Variants in VPS35 observed in about 807,000 individuals in gnomAD.
VPS35 encodes the protein vacuolar protein sorting-associated protein 35.
Under a neutral mutation model 98.1 loss-of-function variants are expected in VPS35, and 21 were observed. The ratio of observed to expected loss-of-function variants is 0.21; its 90% CI spans 0.15 to 0.31. The LOEUF is 0.31. Among genes scored for constraint, VPS35 ranks in the 10% least tolerant of loss-of-function variants. The pLI, the probability that VPS35 is intolerant of heterozygous loss-of-function variation, is 1.00. For synonymous variants in VPS35, 268 were observed against 318.2 expected, an observed-to-expected ratio of 0.84 and a Z score of 1.68; for missense variants, 554 against 950.8, an observed-to-expected ratio of 0.58 and a Z score of 5.49.
chr16:46,662,055 C>T lies in VPS35; in HGVS notation c.2067+188G>A, dbSNP rs531712412. On this transcript the variant is annotated intron_variant, in intron 15 of 16. Transcript: ENST00000299138. ...AAAAACAGGTAGTGGTTTGAACTTGCTATGTTACAATATCCTCAAAGCAGA... is the reference window on the plus strand; with the variant it reads ...AAAAACAGGTAGTGGTTTGAACTTGTTATGTTACAATATCCTCAAAGCAGA... 3.3e-5 allele frequency among the ~76,000 whole-genome samples: 5 copies of T among 152,142 alleles called. No homozygotes were observed. The South Asian group carries it at 8.3e-4, about 25-fold the overall frequency.
rs1452971314 is a variant in VPS35, at chr16:46,662,464, C to T, written c.1846G>A (p.Asp616Asn). ...FMSQAFSLYE[D>N]EISDSKAQLA... is the part of the protein sequence containing the mutation. ...TGTGCTTTGGAATCGCTGATTTCAT[C>T]TTCATACAGAGAAAATGCCTAGTGA... Residue 616 changes from aspartate (D) to asparagine (N), a missense_variant, in exon 15 of 17, where the codon GAT becomes AAT. Asp to Asn is a conservative substitution (Grantham distance 23, BLOSUM62 1). Coordinates refer to ENST00000299138, the MANE Select transcript of VPS35 (RefSeq NM_018206.6). 1 of 1,614,098 alleles carries T rather than the reference C, an allele frequency of 6.2e-7. No individual in the cohort carries two copies. Among genetic ancestry groups the T allele is most frequent in the Non-Finnish European group, 8.5e-7 (1 of 1,180,028 alleles).
intron 2 of VPS35, 122 bp from the exon 3 acceptor site, chr16:46,682,297 G>A (rs1966247254): frequency 2.6e-6 from 2 of 781,126 alleles, no homozygotes; most frequent in East Asian, 2.7e-5. Flanking sequence ...GCACTTAAAT[G>A]ATTTTAACCA....
intron 1 of VPS35, among the ~76,000 whole-genome samples, chr16:46,684,975 C>T (rs185671312): frequency 1.3e-5 from 2 of 152,208 alleles, no homozygotes; most frequent in Non-Finnish European, 2.9e-5. Flanking sequence ...ATGAAATATT[C>T]TGTATAGGAA....
At position 46,669,134 on chromosome 16, in the gene VPS35, T is replaced by C. The variant is rs775914638; in HGVS notation, c.1525-82A>G. 7 of 1,545,640 alleles carry C rather than the reference T, an allele frequency of 4.5e-6. No individual in the cohort carries two copies. The Admixed American group carries it at 5.0e-5, about 11-fold the overall frequency. ...AAATAAATGTGGGCTCTAATCATCA[T>C]TGCTAACATTTTGTGAATATATACA... is the stretch of plus-strand genomic sequence containing the variant. On this transcript the variant is annotated intron_variant, in intron 12 of 16. Transcript: ENST00000299138.
rs745617168 is a variant in VPS35, at chr16:46,668,890, A to C, written c.1647+40T>G. Reference sequence around the variant, plus strand: ...ACACACACACACTCAGAGTGATGAAAGAGGAAAAAAAGTACCTAAATACTT... The same window carrying C: ...ACACACACACACTCAGAGTGATGAACGAGGAAAAAAAGTACCTAAATACTT... On this transcript the variant is annotated intron_variant, in intron 13 of 16. Transcript: ENST00000299138. 1.5e-5 allele frequency: 24 copies of C among 1,612,472 alleles called. No homozygotes were observed. In the East Asian group the frequency reaches 4.7e-4, roughly 31 times the overall value.
intron 12 of VPS35, among the ~76,000 whole-genome samples, chr16:46,670,221 A>AAG: frequency 6.6e-6 from 1 of 152,382 alleles, no homozygotes; most frequent in East Asian, 1.9e-4. Flanking sequence ...AGGGGCAGTC[A>AAG]GAGCTAATGA....
intron 13 of VPS35, 102 bp downstream of exon 13, chr16:46,668,827 AT>A: frequency 6.6e-7 from 1 of 1,513,566 alleles, no homozygotes; most frequent in Non-Finnish European, 9.0e-7. Flanking sequence ...ACCACTGTCT[AT>A]TTTTGTACGT....
rs938746274 is a variant in VPS35 at position 46,681,299 on chromosome 16, T to C, written c.323+78A>G. The C allele has an allele frequency of 4.4e-6, 7 of 1,596,048 alleles. No individual in the cohort carries two copies. In the Admixed American group the frequency reaches 1.2e-4, roughly 27 times the overall value. On this transcript the variant is annotated intron_variant, in intron 4 of 16. Coordinates refer to ENST00000299138, the MANE Select transcript of VPS35 (RefSeq NM_018206.6). ...AAGAAGTTACCCTTAAAACTTTTTC[T>C]TAAGCTGATAATCATAAAAGACGTA...
intron 11 of VPS35, 50 bp downstream of exon 11, chr16:46,672,215 C>T: frequency 6.4e-7 from 1 of 1,557,382 alleles, no homozygotes; most frequent in African/African-American, 1.4e-5. Context: ...GGTCCAAAGT[C>T]TAAAATTGTA....
intron 5 of VPS35, among the ~76,000 whole-genome samples, chr16:46,680,321 C>G (rs1966215422): frequency 6.6e-6 from 1 of 152,176 alleles, no homozygotes; most frequent in South Asian, 2.1e-4. Flanking sequence ...ATTATGAAAT[C>G]CAGCTGGCTC....
intron 5 of VPS35, among the ~76,000 whole-genome samples, chr16:46,679,585 G>A (rs1346081246): frequency 6.6e-6 from 1 of 152,046 alleles, no homozygotes; most frequent in Non-Finnish European, 1.5e-5. Context: ...AAAAACAAAA[G>A]GCTAAAAAAT....
At chr16:46,680,944 C>A (rs1362634441) in intron 4 of VPS35, 91 bp from the exon 5 acceptor site, 17 of 1,342,528 alleles carry the variant, frequency 1.3e-5, no homozygotes, top group Non-Finnish European at 1.7e-5. Context: ...ATTAAATAAA[C>A]AAGACAGGAA....
chr16:46,680,480 G>A lies in VPS35; in HGVS notation c.506+191C>T, dbSNP rs2143008656. On this transcript the variant is annotated intron_variant, in intron 5 of 16. Coordinates refer to ENST00000299138, the MANE Select transcript of VPS35 (RefSeq NM_018206.6). ...ATCCAAAGATAAAATTTGCATAAGA[G>A]TACATTTTAGATGATACCACATATA... Among the ~76,000 whole-genome samples, 2 of 152,310 alleles carry A rather than the reference G, an allele frequency of 1.3e-5. 1 individual carries two copies. Among genetic ancestry groups the A allele is most frequent in the East Asian group, 3.9e-4 (2 of 5,192 alleles).
Position 46,658,477 on chromosome 16 carries a change from T to C in VPS35, c.*1995A>G, listed in dbSNP as rs1316947816. ...GCTTTTGTTTCACTTTTATTTACTT[T>C]TGTTGGTTTATTATTTTTAAAATTG... On this transcript the variant is annotated 3_prime_UTR_variant, in exon 17 of 17. Transcript: ENST00000299138. 1 of 153,784 alleles carries C rather than the reference T, an allele frequency of 6.5e-6. No homozygotes were observed. The highest frequency in any genetic ancestry group is 1.5e-5 in the Non-Finnish European group (1 of 68,044). 9.5% of individuals were successfully genotyped at this position (153,784 alleles called of 1,614,324 possible).
chr16:46,656,238 C>G lies in VPS35; in HGVS notation c.*4234G>C, dbSNP rs1965842944. ...GGTAGGTGGAGGAATGGCTGATCTC[C>G]TCTTGTCTTTGCTCTGCACATGGGA... On this transcript the variant is annotated 3_prime_UTR_variant, in exon 17 of 17. Transcript: ENST00000299138. 6.6e-6 allele frequency: 1 copy of G among 152,168 alleles called. No individual in the cohort carries two copies. The allele number at this position is 152,168 out of a possible 1,614,324, so 9.4% of individuals were successfully genotyped here.
rs771346537 is a variant in VPS35 at position 46,676,567 on chromosome 16, T to C, written c.914+16A>G. 5.6e-5 allele frequency: 82 copies of C among 1,455,056 alleles called. No homozygotes were observed. Among genetic ancestry groups the C allele is most frequent in the Non-Finnish European group, 7.7e-5 (80 of 1,036,780 alleles). The allele number at this position is 1,455,056 out of a possible 1,614,324, so 90.1% of individuals were successfully genotyped here. ...CCAAGTCAGAGCATTTATCCGCCAGTGTTGGAAGGTCTTACCTATCAATTA... is the reference window on the plus strand; with the variant it reads ...CCAAGTCAGAGCATTTATCCGCCAGCGTTGGAAGGTCTTACCTATCAATTA... On this transcript the variant is annotated intron_variant, in intron 8 of 16. Transcript: ENST00000299138.
chr16:46,676,065 C>CAA (rs369452932), intron 8 of VPS35, among the ~76,000 whole-genome samples: 12,736 of 58,522 alleles, frequency 0.22, 1,750 homozygotes, highest in African/African-American at 0.32. Flanking sequence ...GGATCTGTCT[C>CAA]AAAAAAAAAA....
Position 46,662,352 on chromosome 16 carries a change from C to T in VPS35, c.1958G>A (p.Cys653Tyr). Residue 653 changes from cysteine to tyrosine, a missense_variant, in exon 15 of 17, where the codon TGT becomes TAT. Cys to Tyr is a radical substitution (Grantham distance 194). Transcript: ENST00000299138. The stretch of plus-strand genomic sequence containing the variant: ...TAGAAGTTTGGATGCAGCAAGGGCA[C>T]ACTGAGTCCTCAGAGGTTCGTGATT... ...EENHEPLRTQCALAASKLLKK... is the reference protein window; with the variant it reads ...EENHEPLRTQYALAASKLLKK... 1 of 1,614,208 alleles carries T rather than the reference C, an allele frequency of 6.2e-7. No homozygotes were observed. The highest frequency in any genetic ancestry group is 8.5e-7 in the Non-Finnish European group (1 of 1,180,040).
intron 12 of VPS35, among the ~76,000 whole-genome samples, chr16:46,670,054 A>AT (rs548306760): frequency 7.2e-5 from 11 of 151,814 alleles, no homozygotes; most frequent in South Asian, 4.2e-4. Context: ...TTTTTCTTGG[A>AT]TTTTTTTTTC....
Sources: gnomAD v4.1 joint callset for allele counts (sites outside exome capture counted in the v4.1 genomes callset) on GRCh38, gnomAD v4.1.1 for gene constraint, MANE v1.5 for transcripts, NCBI Gene and HGNC (gene_info 2026-07-23, HGNC 2026-07-21) for gene names.